The following ROBO2 variants were observed in gnomAD, a reference collection of about 807,000 sequenced individuals.
ROBO2 encodes the protein roundabout homolog 2.
ROBO2 carries 53 observed loss-of-function variants against 160.8 expected under a neutral mutation model. That is an observed-to-expected ratio of 0.33 (90% CI 0.26 to 0.41). The LOEUF (loss-of-function observed/expected upper bound fraction) is 0.41. Among genes scored for constraint, ROBO2 ranks in the 10% least tolerant of loss-of-function variants. The pLI is 1.00. For synonymous variants in ROBO2, 664 were observed against 611.7 expected (o/e 1.09, Z -1.26); for missense variants, 1,577 against 1,722.4 (o/e 0.92, Z 1.49).
At chr3:76,825,245 A>G (rs556067767) in intron 2 of ROBO2, among the ~76,000 whole-genome samples, 104 of 152,250 alleles carry the variant, frequency 6.8e-4, no homozygotes, top group African/African-American at 2.4e-3. Context: ...CAGGACAAAC[A>G]AGAATGGATT....
intron 2 of ROBO2, among the ~76,000 whole-genome samples, chr3:76,519,237 T>C (rs2081481953): frequency 6.6e-6 from 1 of 152,220 alleles, no homozygotes. Flanking sequence ...AAGTTCAACA[T>C]TTCTGTGAAC....
At chr3:77,584,996 CAT>C (rs2094009718) in intron 16 of ROBO2, among the ~76,000 whole-genome samples, 1 of 149,074 alleles carries the variant, frequency 6.7e-6, no homozygotes, top group Admixed American at 6.7e-5. Context: ...TATATACTGG[CAT>C]ATATATGCCA....
rs558683707 is a variant in ROBO2 at position 77,252,596 on chromosome 3, A to G, written c.388+154256A>G. 9.2e-5 allele frequency among the ~76,000 whole-genome samples: 14 copies of G among 151,532 alleles called. 1 individual carries two copies. In the South Asian group the frequency reaches 2.7e-3, roughly 29 times the overall value. ...GCCGAGGCGGGCAGATCATGAGGTCAGGAGATGGAGACCATCCTGGCTAAC... is the reference window on the plus strand; with the variant it reads ...GCCGAGGCGGGCAGATCATGAGGTCGGGAGATGGAGACCATCCTGGCTAAC... On this transcript the variant is annotated intron_variant, in intron 2 of 25. Coordinates refer to ENST00000461745, the Ensembl canonical transcript of ROBO2.
chr3:77,376,915 CA>C (rs2072763102), intron 2 of ROBO2, among the ~76,000 whole-genome samples: 1 of 152,058 alleles, frequency 6.6e-6, no homozygotes, highest in Non-Finnish European at 1.5e-5. Context: ...ATTCAAATAC[CA>C]TCATTTTCTG....
chr3:76,769,238 C>A (rs2061744671), intron 2 of ROBO2, among the ~76,000 whole-genome samples: 1 of 151,334 alleles, frequency 6.6e-6, no homozygotes, highest in Non-Finnish European at 1.5e-5. Context: ...ATATGTAGAA[C>A]AACAGTTATT....
chr3:76,160,546 C>T (rs2072587263), intron 2 of ROBO2, among the ~76,000 whole-genome samples: 1 of 152,156 alleles, frequency 6.6e-6, no homozygotes, highest in African/African-American at 2.4e-5. Flanking sequence ...ATCTTCATCG[C>T]TGTGTCATCC....
rs189432584 is a variant in ROBO2 at position 76,090,746 on chromosome 3, T to C, written c.109+153144T>C. 1.2e-3 allele frequency among the ~76,000 whole-genome samples: 182 copies of C among 152,088 alleles called. No individual in the cohort carries two copies. The Middle Eastern group carries it at 0.031, about 26-fold the overall frequency. ...TCGTGTTGGTGAAAGAACAGACACA[T>C]AGAACGGAACGGAACGGAACGGAAC... On this transcript the variant is annotated intron_variant, in intron 2 of 26. Coordinates refer to the ROBO2 transcript ENST00000487694.
At chr3:77,498,649 T>G (rs2087123142) in intron 5 of ROBO2, among the ~76,000 whole-genome samples, 1 of 152,056 alleles carries the variant, frequency 6.6e-6, no homozygotes, top group South Asian at 2.1e-4. Context: ...ACAAAGTGGC[T>G]CTTTCTTCTT....
chr3:76,694,310 G>A (rs942816451), intron 2 of ROBO2, among the ~76,000 whole-genome samples: 70 of 152,256 alleles, frequency 4.6e-4, no homozygotes, highest in Non-Finnish European at 8.8e-5. Context: ...AAAATGATGA[G>A]TTATAGTTAT....
chr3:76,000,025 G>T (rs1440524165), intron 2 of ROBO2, among the ~76,000 whole-genome samples: 2 of 152,072 alleles, frequency 1.3e-5, no homozygotes, highest in Non-Finnish European at 1.5e-5. Flanking sequence ...TGGGCATTTT[G>T]TATAATTCTT....
intron 2 of ROBO2, among the ~76,000 whole-genome samples, chr3:76,043,511 C>G (rs2067343174): frequency 2.7e-5 from 4 of 149,758 alleles, no homozygotes; most frequent in African/African-American, 9.9e-5. Flanking sequence ...TCTGTAAAGA[C>G]CATGGCTGGA....
chr3:77,117,393 T>A (rs1308301693), intron 2 of ROBO2, among the ~76,000 whole-genome samples: 1 of 152,184 alleles, frequency 6.6e-6, no homozygotes, highest in Admixed American at 6.5e-5. Context: ...ATAAACAAGA[T>A]GTGAAATAAG....
intron 2 of ROBO2, among the ~76,000 whole-genome samples, chr3:76,126,825 A>G (rs2071007517): frequency 6.6e-6 from 1 of 152,134 alleles, no homozygotes; most frequent in African/African-American, 2.4e-5. Flanking sequence ...TTATAAAATA[A>G]CATGTGTTTA....
At chr3:76,996,092 A>G (rs903134191) in intron 2 of ROBO2, among the ~76,000 whole-genome samples, 1 of 152,168 alleles carries the variant, frequency 6.6e-6, no homozygotes, top group Non-Finnish European at 1.5e-5. Context: ...TAGGTCTAAC[A>G]TTTAAGTCTT....
At chr3:75,985,661 C>CGTGA (rs1189598586) in intron 2 of ROBO2, among the ~76,000 whole-genome samples, 7 of 151,668 alleles carry the variant, frequency 4.6e-5, no homozygotes, top group Admixed American at 2.6e-4. Flanking sequence ...ATAATCATCA[C>CGTGA]CATCCATCTC....
chr3:76,491,241 G>A (rs903955189), intron 2 of ROBO2, among the ~76,000 whole-genome samples: 2 of 151,994 alleles, frequency 1.3e-5, no homozygotes, highest in African/African-American at 4.8e-5. Context: ...GAGCCAGGGC[G>A]CCCGACCTAA....
At chr3:76,796,181 G>A (rs947886307) in intron 2 of ROBO2, among the ~76,000 whole-genome samples, 4 of 152,028 alleles carry the variant, frequency 2.6e-5, no homozygotes, top group Non-Finnish European at 5.9e-5. Flanking sequence ...GCTAACAAGA[G>A]AGTCAACCTG....
At chr3:77,474,691 C>T (rs6548510) in intron 2 of ROBO2, among the ~76,000 whole-genome samples, 4,834 of 150,794 alleles carry the variant, frequency 0.032, 198 homozygotes, top group Admixed American at 0.099. Flanking sequence ...CACACACACA[C>T]TCAATTTAGA....
intron 2 of ROBO2, among the ~76,000 whole-genome samples, chr3:75,942,434 T>C (rs1948099838): frequency 6.6e-6 from 1 of 152,150 alleles, no homozygotes; most frequent in Non-Finnish European, 1.5e-5. Context: ...AAGTCAGTGT[T>C]TCTTACATCT....
Sources: allele counts gnomAD v4.1 joint callset (sites outside exome capture counted in the v4.1 genomes callset), GRCh38; gene constraint gnomAD v4.1.1; transcripts MANE v1.5; gene names NCBI Gene and HGNC (gene_info 2026-07-23, HGNC 2026-07-21).